CCDC148: variants seen among roughly 807,000 people sequenced by gnomAD.
The protein encoded by CCDC148 is coiled-coil domain-containing protein 148.
A neutral mutation model predicts 85.7 loss-of-function variants in CCDC148; 89 were observed. The ratio of observed to expected loss-of-function variants is 1.04; its 90% CI spans 0.87 to 1.24. The LOEUF is 1.24. Ranked by LOEUF, CCDC148 falls within the 50% of genes most tolerant of loss-of-function variation. CCDC148 has a pLI of 0.00. For missense variants in CCDC148, 692 were observed against 671.7 expected (o/e 1.03, Z -0.33); for synonymous variants, 230 against 213.9 (o/e 1.08, Z -0.66).
chr2:158,234,313 G>C (rs576140384), intron 10 of CCDC148, among the ~76,000 whole-genome samples: 7 of 152,196 alleles, frequency 4.6e-5, no homozygotes, highest in African/African-American at 1.7e-4. Context: ...CAACCATCCT[G>C]CCTGGTTATT....
intron 1 of CCDC148, among the ~76,000 whole-genome samples, chr2:158,387,832 C>T (rs945267167): frequency 3.3e-5 from 5 of 152,128 alleles, no homozygotes; most frequent in African/African-American, 4.8e-5. Flanking sequence ...CATATCAGGC[C>T]GCCCTTACAC....
rs186962171 is a variant in CCDC148 at position 158,328,733 on chromosome 2, G to C, written c.764+9993C>G. Among the ~76,000 whole-genome samples, 1,494 of 152,264 alleles carry C rather than the reference G, an allele frequency of 9.8e-3. 74 individuals are homozygous for C. The highest frequency in any genetic ancestry group is 0.084 in the Admixed American group (1,285 of 15,288). The stretch of plus-strand genomic sequence containing the variant: ...AACTGGTGTGAGATGGTATCTCATT[G>C]TGGTTTTGATTTGCATTTCTCTGAT... On this transcript the variant is annotated intron_variant, in intron 7 of 13. Transcript: ENST00000283233.
intron 1 of CCDC148, among the ~76,000 whole-genome samples, chr2:158,434,375 C>A (rs1687532805): frequency 6.6e-6 from 1 of 152,144 alleles, no homozygotes; most frequent in South Asian, 2.1e-4. Flanking sequence ...GAGTGGACCT[C>A]CAGCAAACTC....
intron 11 of CCDC148, among the ~76,000 whole-genome samples, chr2:158,190,565 T>C (rs1381789629): frequency 6.6e-6 from 1 of 152,020 alleles, no homozygotes; most frequent in Non-Finnish European, 1.5e-5. Flanking sequence ...TGCCATTTGA[T>C]ACTAATTGGG....
chr2:158,182,521 G>A (rs1684953464), intron 11 of CCDC148, among the ~76,000 whole-genome samples: 1 of 152,114 alleles, frequency 6.6e-6, no homozygotes, highest in Admixed American at 6.6e-5. Flanking sequence ...GGCAGTAAGA[G>A]AGGGCATGGA....
At chr2:158,354,048 T>C (rs887246776) in intron 2 of CCDC148, among the ~76,000 whole-genome samples, 1 of 151,938 alleles carries the variant, frequency 6.6e-6, no homozygotes, top group African/African-American at 2.4e-5. Context: ...AGACACAACA[T>C]ACCAGAATCT....
chr2:158,443,368 G>A (rs1055588492), intron 1 of CCDC148, among the ~76,000 whole-genome samples: 1 of 151,838 alleles, frequency 6.6e-6, no homozygotes, highest in Admixed American at 6.6e-5. Flanking sequence ...ATCAAGTGTA[G>A]TGGCCTGTGC....
chr2:158,352,560 GA>G (rs1459247302), intron 2 of CCDC148, among the ~76,000 whole-genome samples: 2 of 152,084 alleles, frequency 1.3e-5, no homozygotes, highest in Non-Finnish European at 2.9e-5. Context: ...AAGCCTCCAA[GA>G]AATATGGGAC....
chr2:158,423,216 A>G (rs1686894699), intron 1 of CCDC148, among the ~76,000 whole-genome samples: 1 of 152,204 alleles, frequency 6.6e-6, no homozygotes, highest in Non-Finnish European at 1.5e-5. Context: ...TCTTCACAGA[A>G]TTGGAAAAAA....
At chr2:158,317,174 T>C (rs1346914780) in intron 7 of CCDC148, among the ~76,000 whole-genome samples, 1 of 152,224 alleles carries the variant, frequency 6.6e-6, no homozygotes, top group Non-Finnish European at 1.5e-5. Context: ...AAGAAAACTT[T>C]TAAAGTGTCC....
rs1464711092 is a variant in CCDC148, at chr2:158,425,426, A to C, written c.25+30989T>G. 8.8e-6 allele frequency: 3 copies of C among 340,930 alleles called. No individual in the cohort carries two copies. The Admixed American group carries it at 1.1e-4, about 12-fold the overall frequency. 21.1% of individuals were successfully genotyped at this position (340,930 alleles called of 1,614,324 possible). A position where few individuals can be genotyped will look rare whatever the true frequency, so the allele number is the denominator to read the frequency against. ...TTTTGTAAAAGACTTTCTAGTGTAC[A>C]AGACACAATTGTGTCTAACTGTATA... On this transcript the variant is annotated intron_variant, in intron 1 of 13. Coordinates refer to ENST00000283233, the MANE Select transcript of CCDC148 (RefSeq NM_138803.4).
intron 10 of CCDC148, among the ~76,000 whole-genome samples, chr2:158,232,974 T>C (rs1337509911): frequency 1.3e-5 from 2 of 152,142 alleles, no homozygotes; most frequent in Admixed American, 1.3e-4. Context: ...CTATAGTTAA[T>C]CACAATTCAT....
At chr2:158,426,544 A>G (rs988390746) in intron 1 of CCDC148, among the ~76,000 whole-genome samples, 1 of 152,150 alleles carries the variant, frequency 6.6e-6, no homozygotes, top group Non-Finnish European at 1.5e-5. Context: ...GTTCATTGAA[A>G]AGAAATAATT....
At chr2:158,239,049 A>G (rs941051464) in intron 10 of CCDC148, among the ~76,000 whole-genome samples, 20 of 152,186 alleles carry the variant, frequency 1.3e-4, no homozygotes, top group African/African-American at 4.6e-4. Flanking sequence ...TCATATAAGT[A>G]TCTACCCCTT....
chr2:158,282,126 T>C (rs140384255), intron 9 of CCDC148, among the ~76,000 whole-genome samples: 136,005 of 147,868 alleles, frequency 0.92, 62,580 homozygotes, highest in East Asian at 0.97. Context: ...TGGGACGTAT[T>C]TCAAAATAAT....
chr2:158,195,501 C>T (rs977451037), intron 11 of CCDC148, among the ~76,000 whole-genome samples: 5 of 152,052 alleles, frequency 3.3e-5, no homozygotes, highest in Non-Finnish European at 7.4e-5. Flanking sequence ...TAAAAATTTA[C>T]GATAATACTT....
chr2:158,286,572 G>A (rs1690635001), intron 9 of CCDC148, among the ~76,000 whole-genome samples: 1 of 152,148 alleles, frequency 6.6e-6, no homozygotes, highest in Non-Finnish European at 1.5e-5. Flanking sequence ...GAACAACAAG[G>A]TAGGAGGGCA....
At chr2:158,312,853 T>C (rs1054918705) in intron 8 of CCDC148, among the ~76,000 whole-genome samples, 1 of 152,138 alleles carries the variant, frequency 6.6e-6, no homozygotes, top group Non-Finnish European at 1.5e-5. Flanking sequence ...ATGGTCACAG[T>C]AGCTGTGTGA....
intron 1 of CCDC148, among the ~76,000 whole-genome samples, chr2:158,439,310 G>T (rs1687824531): frequency 6.6e-6 from 1 of 152,122 alleles, no homozygotes; most frequent in African/African-American, 2.4e-5. Flanking sequence ...AAAAGGATGA[G>T]TTCATGTCCT....
Sources: allele counts gnomAD v4.1 joint callset (sites outside exome capture counted in the v4.1 genomes callset), GRCh38; gene constraint gnomAD v4.1.1; transcripts MANE v1.5; gene names NCBI Gene and HGNC (gene_info 2026-07-23, HGNC 2026-07-21).